GRIA1: variants seen among roughly 807,000 people sequenced by gnomAD.
The protein encoded by GRIA1 is glutamate receptor 1.
A neutral mutation model predicts 99.2 loss-of-function variants in GRIA1; 31 were observed. That is an observed-to-expected ratio of 0.31 (90% CI 0.23 to 0.42). GRIA1 has a LOEUF of 0.42. GRIA1 is among the 10% of genes least tolerant of loss of function. The pLI, the probability that GRIA1 is intolerant of heterozygous loss-of-function variation, is 1.00. For synonymous variants in GRIA1, 438 were observed against 432.4 expected, an observed-to-expected ratio of 1.01 and a Z score of -0.16; for missense variants, 782 against 1,157.5, an observed-to-expected ratio of 0.68 and a Z score of 4.71.
intron 2 of GRIA1, among the ~76,000 whole-genome samples, chr5:153,588,688 T>C (rs1456161205): frequency 6.6e-6 from 1 of 152,212 alleles, no homozygotes; most frequent in Non-Finnish European, 1.5e-5. Flanking sequence ...AATAAAGCCT[T>C]GAGCATAATC....
chr5:153,578,148 CAAAAAAAAAAAA>C (rs60901793), intron 2 of GRIA1, among the ~76,000 whole-genome samples: 34 of 69,328 alleles, frequency 4.9e-4, no homozygotes, highest in Admixed American at 5.9e-4. Flanking sequence ...GAGACTCTGT[CAAAAAAAAAAAA>C]AAAAAAAAAA....
intron 11 of GRIA1, among the ~76,000 whole-genome samples, chr5:153,750,352 A>G (rs1026849937): frequency 1.3e-5 from 2 of 152,092 alleles, no homozygotes; most frequent in African/African-American, 4.8e-5. Flanking sequence ...ATAAATAGCC[A>G]TTTGAAGAAG....
intron 15 of GRIA1, among the ~76,000 whole-genome samples, chr5:153,803,531 G>T (rs1473174160): frequency 6.6e-6 from 1 of 152,134 alleles, no homozygotes; most frequent in African/African-American, 2.4e-5. Context: ...TAGATAGGAA[G>T]GCCTACAGGA....
chr5:153,493,410 A>C (rs1386975871), intron 1 of GRIA1, among the ~76,000 whole-genome samples: 2 of 152,212 alleles, frequency 1.3e-5, no homozygotes, highest in African/African-American at 4.8e-5. Context: ...AAGACTAAAA[A>C]CTGTCCATGT....
chr5:153,661,031 G>C (rs962001057), intron 5 of GRIA1, among the ~76,000 whole-genome samples: 1 of 152,098 alleles, frequency 6.6e-6, no homozygotes, highest in Non-Finnish European at 1.5e-5. Context: ...AGTCTATTTG[G>C]CAGCTATTCC....
intron 2 of GRIA1, among the ~76,000 whole-genome samples, chr5:153,502,311 T>C (rs780447841): frequency 2.6e-5 from 4 of 152,168 alleles, no homozygotes; most frequent in Non-Finnish European, 4.4e-5. Context: ...TGGTGCTAGA[T>C]GAATGAAAGA....
intron 2 of GRIA1, among the ~76,000 whole-genome samples, chr5:153,574,804 G>T (rs1280188051): frequency 1.3e-5 from 2 of 152,016 alleles, no homozygotes; most frequent in Admixed American, 1.3e-4. Context: ...CTTTCAGATA[G>T]GTGACCTTGA....
At chr5:153,685,625 A>C (rs912759174) in intron 7 of GRIA1, among the ~76,000 whole-genome samples, 24 of 152,200 alleles carry the variant, frequency 1.6e-4, no homozygotes, top group Non-Finnish European at 1.9e-4. Flanking sequence ...AGGCTTAGAG[A>C]GCTAAATTGC....
At chr5:153,758,706 A>G (rs900712362) in intron 11 of GRIA1, among the ~76,000 whole-genome samples, 1 of 152,016 alleles carries the variant, frequency 6.6e-6, no homozygotes, top group Non-Finnish European at 1.5e-5. Context: ...TGCACTCTAG[A>G]CCAAATGGAC....
At chr5:153,654,857 C>A (rs1327473463) in intron 4 of GRIA1, among the ~76,000 whole-genome samples, 1 of 152,142 alleles carries the variant, frequency 6.6e-6, no homozygotes, top group Non-Finnish European at 1.5e-5. Flanking sequence ...AGTTAATCTG[C>A]AGGCTGAGCT....
intron 2 of GRIA1, among the ~76,000 whole-genome samples, chr5:153,570,194 T>C (rs1007426454): frequency 6.6e-6 from 1 of 152,248 alleles, no homozygotes; most frequent in Admixed American, 6.5e-5. Flanking sequence ...ATCCCCGAGA[T>C]GCATTGCTTC....
chr5:153,768,125 C>A (rs1763640150), intron 12 of GRIA1, among the ~76,000 whole-genome samples: 1 of 152,182 alleles, frequency 6.6e-6, no homozygotes, highest in African/African-American at 2.4e-5. Context: ...AATCTGGTCA[C>A]AGCTGAATTT....
At position 153,811,704 on chromosome 5, in the gene GRIA1, G is replaced by C. The variant is rs898799690; in HGVS notation, c.*479G>C. ...CCACCCCTCTTCAGTTTTCAGATTG[G>C]AGATTCAAGATTTGTTCCACTTTAC... On this transcript the variant is annotated 3_prime_UTR_variant, in exon 16 of 16. Transcript: ENST00000285900. 2 of 154,452 alleles carry C rather than the reference G, an allele frequency of 1.3e-5. No individual in the cohort carries two copies. The highest frequency in any genetic ancestry group is 4.8e-5 in the African/African-American group (2 of 41,392). The allele number at this position is 154,452 out of a possible 1,614,324, so 9.6% of individuals were successfully genotyped here.
chr5:153,578,288 G>T (rs950750983), intron 2 of GRIA1, among the ~76,000 whole-genome samples: 2 of 152,118 alleles, frequency 1.3e-5, no homozygotes, highest in African/African-American at 4.8e-5. Context: ...TAGTGGGTCA[G>T]TGAATGCCCT....
intron 2 of GRIA1, among the ~76,000 whole-genome samples, chr5:153,542,304 C>T (rs1023750632): frequency 1.3e-5 from 2 of 152,130 alleles, no homozygotes; most frequent in African/African-American, 4.8e-5. Context: ...ACATTCTCCA[C>T]TTTGTAGAGA....
At chr5:153,733,562 G>C (rs766617198) in intron 11 of GRIA1, among the ~76,000 whole-genome samples, 2 of 152,102 alleles carry the variant, frequency 1.3e-5, no homozygotes, top group Non-Finnish European at 2.9e-5. Context: ...AAAAGATATA[G>C]AGTGGCTGAA....
intron 3 of GRIA1, among the ~76,000 whole-genome samples, chr5:153,648,349 A>G (rs1332381407): frequency 6.6e-6 from 1 of 152,144 alleles, no homozygotes; most frequent in Non-Finnish European, 1.5e-5. Context: ...GAGGCCTGGA[A>G]GTAATAAAGC....
intron 2 of GRIA1, among the ~76,000 whole-genome samples, chr5:153,578,170 A>AAAAAG (rs1561658005): frequency 4.9e-4 from 58 of 119,316 alleles, no homozygotes; most frequent in African/African-American, 1.5e-3. Context: ...AAAAAAAAAA[A>AAAAAG]AAAGAAAGAA....
At chr5:153,599,950 G>C (rs1176638571) in intron 2 of GRIA1, among the ~76,000 whole-genome samples, 2 of 152,130 alleles carry the variant, frequency 1.3e-5, no homozygotes, top group East Asian at 3.9e-4. Flanking sequence ...GGGAAAGGAA[G>C]AAGGCTGTCG....
Sources: allele counts gnomAD v4.1 joint callset (sites outside exome capture counted in the v4.1 genomes callset), GRCh38; gene constraint gnomAD v4.1.1; transcripts MANE v1.5; gene names NCBI Gene and HGNC (gene_info 2026-07-23, HGNC 2026-07-21).